Variants in EDA observed in about 807,000 individuals in gnomAD.
EDA encodes ectodysplasin A.
In EDA, 2 loss-of-function variants were observed where a neutral mutation model predicts 23.6. The observed-to-expected ratio is 0.08, with a 90% CI of 0.03 to 0.27. EDA has a LOEUF of 0.27. Among genes scored for constraint, EDA ranks in the 10% least tolerant of loss-of-function variants. EDA has a pLI of 1.00. For synonymous variants in EDA, 131 were observed against 132.0 expected (o/e 0.99, Z 0.05); for missense variants, 229 against 324.2 (o/e 0.71, Z 2.26).
chrX:70,011,574 G>A lies in EDA; in HGVS notation c.503-11644G>A, dbSNP rs947205206. Among the ~76,000 whole-genome samples the A allele has an allele frequency of 5.4e-5, 6 of 110,971 alleles. No homozygotes were observed. The Admixed American group carries it at 5.7e-4, about 11-fold the overall frequency. The stretch of plus-strand genomic sequence containing the variant: ...ATTATTTTGAACAAACTGTTATCTA[G>A]TAAATCTATTAAGAACAAGTAAAAT... On this transcript the variant is annotated intron_variant, in intron 2 of 7. Coordinates refer to ENST00000374552, the MANE Select transcript of EDA (RefSeq NM_001399.5).
intron 1 of EDA, among the ~76,000 whole-genome samples, chrX:69,787,138 T>G (rs1256559212): frequency 6.0e-4 from 59 of 98,602 alleles, no homozygotes; most frequent in African/African-American, 1.1e-3. Context: ...GTTTTCCATT[T>G]GCTTGGTAGA....
chrX:69,673,994 G>A (rs1487336802), intron 1 of EDA, among the ~76,000 whole-genome samples: 5 of 111,467 alleles, frequency 4.5e-5, no homozygotes, highest in Admixed American at 9.6e-5. Context: ...CTGCTGCCCC[G>A]TCAAGCTACC....
At chrX:69,895,515 A>G (rs1408721448) in intron 1 of EDA, among the ~76,000 whole-genome samples, 1 of 110,348 alleles carries the variant, frequency 9.1e-6, no homozygotes, top group African/African-American at 3.3e-5. Flanking sequence ...CAAGATGTCA[A>G]ACCCTGATTT....
At chrX:69,794,504 A>C (rs1384973910) in intron 1 of EDA, among the ~76,000 whole-genome samples, 1 of 112,501 alleles carries the variant, frequency 8.9e-6, no homozygotes, top group Non-Finnish European at 1.9e-5. Flanking sequence ...AAAACCAGGA[A>C]ACAGACACTG....
At chrX:69,839,371 C>A (rs959767858) in intron 1 of EDA, among the ~76,000 whole-genome samples, 1 of 111,848 alleles carries the variant, frequency 8.9e-6, no homozygotes, top group African/African-American at 3.3e-5. Context: ...CCTATATCCC[C>A]AGCCTCTTCC....
chrX:69,693,867 C>T (rs1028083540), intron 1 of EDA, among the ~76,000 whole-genome samples: 1 of 111,691 alleles, frequency 9.0e-6, no homozygotes, highest in African/African-American at 3.2e-5. Context: ...CCTATCCAAT[C>T]GGAGAATATA....
rs764841650 is a variant in EDA, at chrX:69,771,699, G to A, written c.396+154995G>A. On this transcript the variant is annotated intron_variant, in intron 1 of 7. Coordinates refer to ENST00000374552, the MANE Select transcript of EDA (RefSeq NM_001399.5). The stretch of plus-strand genomic sequence containing the variant: ...GAATTTAGCTCAATAAAGCCGTTAT[G>A]AAAAATAGATTGGGCATATTTTTAT... 1.9e-4 allele frequency among the ~76,000 whole-genome samples: 21 copies of A among 112,005 alleles called. No individual in the cohort carries two copies. In the South Asian group the frequency reaches 7.8e-3, roughly 42 times the overall value.
intron 2 of EDA, among the ~76,000 whole-genome samples, chrX:69,977,005 A>G (rs2019327494): frequency 8.9e-6 from 1 of 112,099 alleles, no homozygotes; most frequent in Non-Finnish European, 1.9e-5. Flanking sequence ...ACAGTTTGAC[A>G]TTTTTCCTTT....
chrX:69,963,579 C>T (rs2019134306), intron 2 of EDA, among the ~76,000 whole-genome samples: 1 of 112,127 alleles, frequency 8.9e-6, no homozygotes, highest in Non-Finnish European at 1.9e-5. Flanking sequence ...TCAAATAAGA[C>T]ATTAAGTAAG....
At chrX:69,656,064 A>G (rs146934198) in intron 1 of EDA, among the ~76,000 whole-genome samples, 3,208 of 109,181 alleles carry the variant, frequency 0.029, 54 homozygotes, top group Non-Finnish European at 0.047. Context: ...TTTGTCAGAT[A>G]TATGCCTTGT....
chrX:69,652,454 G>A (rs1432455313), intron 1 of EDA, among the ~76,000 whole-genome samples: 1 of 111,500 alleles, frequency 9.0e-6, no homozygotes, highest in Non-Finnish European at 1.9e-5. Flanking sequence ...AACGGTAAAG[G>A]GATCATTAGG....
rs774414505 is a variant in EDA at position 69,668,292 on chromosome X, T to C, written c.396+51588T>C. ...AAGATTTCTTACTGTTATTGATTTC[T>C]AGTTTTTTTATAATTATGGTCTAAA... On this transcript the variant is annotated intron_variant, in intron 1 of 7. Coordinates refer to ENST00000374552, the MANE Select transcript of EDA (RefSeq NM_001399.5). 4.5e-5 allele frequency among the ~76,000 whole-genome samples: 5 copies of C among 112,163 alleles called. No individual in the cohort carries two copies. In the South Asian group the frequency reaches 1.1e-3, roughly 25 times the overall value.
At chrX:69,700,593 C>T (rs2011507398) in intron 1 of EDA, among the ~76,000 whole-genome samples, 1 of 110,391 alleles carries the variant, frequency 9.1e-6, no homozygotes, top group Non-Finnish European at 1.9e-5. Flanking sequence ...AGGTGACTGG[C>T]AAGGAGGCGA....
At chrX:69,675,718 G>C (rs185391761) in intron 1 of EDA, among the ~76,000 whole-genome samples, 6 of 111,349 alleles carry the variant, frequency 5.4e-5, no homozygotes, top group Non-Finnish European at 7.5e-5. Context: ...CCCTCACAGA[G>C]CCAATAGTCT....
chrX:69,823,763 G>C (rs1301493986), intron 1 of EDA, among the ~76,000 whole-genome samples: 4 of 86,563 alleles, frequency 4.6e-5, no homozygotes, highest in Non-Finnish European at 8.7e-5. Flanking sequence ...TAGACATGAA[G>C]TCCTTGCCCA....
intron 1 of EDA, among the ~76,000 whole-genome samples, chrX:69,921,151 A>G (rs895727711): frequency 1.8e-5 from 2 of 110,376 alleles, no homozygotes; most frequent in African/African-American, 6.6e-5. Context: ...AACACTTCTT[A>G]ACTTGATGGC....
chrX:69,864,570 G>A (rs147570799), intron 1 of EDA, among the ~76,000 whole-genome samples: 1,165 of 112,056 alleles, frequency 0.01, 14 homozygotes, highest in African/African-American at 0.037. Flanking sequence ...ACCCCCAGAA[G>A]ATCATACCAG....
At chrX:69,728,313 G>T (rs748486336) in intron 1 of EDA, among the ~76,000 whole-genome samples, 1 of 111,292 alleles carries the variant, frequency 9.0e-6, no homozygotes, top group Non-Finnish European at 1.9e-5. Flanking sequence ...ATGGTAAGGT[G>T]AATGTTGTAG....
intron 2 of EDA, among the ~76,000 whole-genome samples, chrX:69,969,647 T>G (rs1569388975): frequency 8.9e-6 from 1 of 112,194 alleles, no homozygotes; most frequent in Non-Finnish European, 1.9e-5. Context: ...AAGGCATATT[T>G]GCGGTACACA....
Sources: gnomAD v4.1 joint callset for allele counts (sites outside exome capture counted in the v4.1 genomes callset) on GRCh38, gnomAD v4.1.1 for gene constraint, MANE v1.5 for transcripts, NCBI Gene and HGNC (gene_info 2026-07-23, HGNC 2026-07-21) for gene names.